The following EXOC3L2 variants were observed in gnomAD, a reference collection of about 807,000 sequenced individuals.
The protein encoded by EXOC3L2 is exocyst complex component 3-like protein 2.
Under a neutral mutation model 44.4 loss-of-function variants are expected in EXOC3L2, and 17 were observed. That is an observed-to-expected ratio of 0.38 (90% CI 0.26 to 0.57). The LOEUF (loss-of-function observed/expected upper bound fraction) is 0.57, where lower values mean the gene tolerates loss of function less well. Among genes scored for constraint, EXOC3L2 ranks in the 20% least tolerant of loss-of-function variants. EXOC3L2 has a pLI of 0.65. For missense variants in EXOC3L2, 541 were observed against 588.4 expected (o/e 0.92, Z 0.83); for synonymous variants, 256 against 253.7 (o/e 1.01, Z -0.09).
chr19:45,215,721 C>T (rs573149282), intron 11 of EXOC3L2, among the ~76,000 whole-genome samples: 18 of 152,274 alleles, frequency 1.2e-4, no homozygotes, highest in African/African-American at 3.4e-4. Context: ...CTGCGCCTGC[C>T]GCTGTCCCAG....
chr19:45,225,427 C>A (rs907788833), intron 7 of EXOC3L2, among the ~76,000 whole-genome samples: 4 of 151,960 alleles, frequency 2.6e-5, no homozygotes, highest in Non-Finnish European at 5.9e-5. Context: ...CACCACCACA[C>A]CCAGCTAATT....
At chr19:45,227,538 G>A (rs763106262) in intron 7 of EXOC3L2, 124 bp downstream of exon 7, 13 of 726,202 alleles carry the variant, frequency 1.8e-5, no homozygotes, top group African/African-American at 1.6e-4. Flanking sequence ...GATTTTATGC[G>A]TCTAAGGTCC....
At chr19:45,218,158 T>TTCG in intron 9 of EXOC3L2, 39 bp downstream of exon 9, 4 of 1,034,904 alleles carry the variant, frequency 3.9e-6, no homozygotes, top group Non-Finnish European at 5.4e-6. Context: ...TCCCCTCTTT[T>TTCG]CCCCCACCCC....
chr19:45,216,946 T>A (rs1969841673), intron 10 of EXOC3L2: 1 of 152,182 alleles, frequency 6.6e-6, no homozygotes, highest in Non-Finnish European at 1.5e-5. Flanking sequence ...TCTGGCGGTT[T>A]TTAATTCCAG....
chr19:45,233,935 G>C (rs1970055623), intron 3 of EXOC3L2, among the ~76,000 whole-genome samples: 1 of 152,154 alleles, frequency 6.6e-6, no homozygotes, highest in South Asian at 2.1e-4. Context: ...TGAGGTTTTT[G>C]GACCACAGTG....
Position 45,218,425 on chromosome 19 carries a change from G to A in EXOC3L2, c.1720-106C>T, listed in dbSNP as rs755912725. 454 of 1,344,048 alleles carry A rather than the reference G, an allele frequency of 3.4e-4. 1 individual carries two copies. Among genetic ancestry groups the A allele is most frequent in the Non-Finnish European group, 2.6e-4 (272 of 1,029,818 alleles). The allele number at this position is 1,344,048 out of a possible 1,614,324, so 83.3% of individuals were successfully genotyped here. On this transcript the variant is annotated intron_variant, in intron 8 of 11. Coordinates refer to ENST00000413988, the MANE Select transcript of EXOC3L2 (RefSeq NM_001382422.1). The stretch of plus-strand genomic sequence containing the variant: ...GCTCCGTGTTGAACCAGGGCTGTGC[G>A]GTGCTGGGAACACAAGGGGAAGAGA...
At chr19:45,213,687 G>A (rs1357779794) in intron 11 of EXOC3L2, among the ~76,000 whole-genome samples, 2 of 151,998 alleles carry the variant, frequency 1.3e-5, no homozygotes, top group Non-Finnish European at 2.9e-5. Context: ...GCTCATGCCT[G>A]TAATCCCAGC....
Position 45,221,211 on chromosome 19 carries a change from G to GT in EXOC3L2, c.1720-2893dup, listed in dbSNP as rs572032786. ...CAGTTTTCTTTTTTGTTTTTTTGTGGTTTTTTTTTTTTGAAAGATAGGGTC... is the reference window on the plus strand; with the variant it reads ...CAGTTTTCTTTTTTGTTTTTTTGTGGTTTTTTTTTTTTTGAAAGATAGGGTC... On this transcript the variant is annotated intron_variant, in intron 8 of 11. Transcript: ENST00000413988. Among the ~76,000 whole-genome samples the GT allele has an allele frequency of 4.6e-3, 528 of 114,190 alleles. 1 individual carries two copies. The highest frequency in any genetic ancestry group is 0.013 in the Middle Eastern group (3 of 228). 74.9% of individuals were successfully genotyped at this position (114,190 alleles called of 152,430 possible). A position where few individuals can be genotyped will look rare whatever the true frequency, so the allele number is the denominator to read the frequency against.
intron 9 of EXOC3L2, 95 bp downstream of exon 9, chr19:45,218,102 C>T (rs1218041148): frequency 1.4e-6 from 2 of 1,416,358 alleles, no homozygotes; most frequent in Non-Finnish European, 1.9e-6. Flanking sequence ...CTTGGCTCTC[C>T]CAACCTCCCA....
chr19:45,220,313 T>G (rs541158774), intron 8 of EXOC3L2, among the ~76,000 whole-genome samples: 39 of 146,464 alleles, frequency 2.7e-4, no homozygotes, highest in Non-Finnish European at 4.1e-4. Context: ...TTTTTTTTTG[T>G]TTGTTTAATT....
At chr19:45,224,016 GC>G (rs1969927370) in intron 8 of EXOC3L2, among the ~76,000 whole-genome samples, 1 of 151,976 alleles carries the variant, frequency 6.6e-6, no homozygotes, top group East Asian at 1.9e-4. Flanking sequence ...CTTGAAACAG[GC>G]ATGAGAGGCA....
chr19:45,214,029 G>A (rs1969807616), intron 11 of EXOC3L2, among the ~76,000 whole-genome samples: 1 of 151,864 alleles, frequency 6.6e-6, no homozygotes, highest in Non-Finnish European at 1.5e-5. Context: ...CTAATCTCAA[G>A]CTCAACCCCC....
rs922354385 is a variant in EXOC3L2, at chr19:45,212,389, C to T, written c.*680G>A. Among the ~76,000 whole-genome samples the T allele has an allele frequency of 6.6e-5, 10 of 152,148 alleles. No homozygotes were observed. Among genetic ancestry groups the T allele is most frequent in the Admixed American group, 5.2e-4 (8 of 15,246 alleles). On this transcript the variant is annotated 3_prime_UTR_variant, in exon 12 of 12. Transcript: ENST00000413988. ...CCTTCCTTGTGTTAAATAGAAACCT[C>T]TTTATTCTAAGTATCGAACGTTCCT...
chr19:45,231,715 C>G, intron 4 of EXOC3L2, 48 bp downstream of exon 4: 2 of 1,518,730 alleles, frequency 1.3e-6, no homozygotes, highest in Middle Eastern at 1.7e-4. Context: ...ACTGTGACCC[C>G]CTCCCTCCAC....
In EXOC3L2 at chr19:45,227,996, C is replaced by T. The variant is rs1055512340; in HGVS notation, c.1450G>A (p.Gly484Arg). Residue 484 changes from glycine to arginine, a missense_variant, in exon 6 of 12, where the codon GGG becomes AGG. By Grantham distance (125) the Gly-to-Arg change is moderately radical. Coordinates refer to ENST00000413988, the MANE Select transcript of EXOC3L2 (RefSeq NM_001382422.1). ...GERMAHCCLG[G>R]LAEFLQSFQQ... Reference sequence around the variant, plus strand: ...TACCTCTGCAGGAACTCTGCCAGCCCGCCTAGGCAGCAGTGGGCCATCCGC... The same window carrying T: ...TACCTCTGCAGGAACTCTGCCAGCCTGCCTAGGCAGCAGTGGGCCATCCGC... The T allele has an allele frequency of 6.2e-6, 10 of 1,613,864 alleles. No individual in the cohort carries two copies. The highest frequency in any genetic ancestry group is 3.3e-5 in the Admixed American group (2 of 60,018).
chr19:45,215,242 A>G (rs1969820663), intron 11 of EXOC3L2, among the ~76,000 whole-genome samples: 3 of 152,188 alleles, frequency 2.0e-5, no homozygotes, highest in Admixed American at 1.3e-4. Context: ...AAGCCGAGGC[A>G]GGCAGATCAC....
intron 1 of EXOC3L2, among the ~76,000 whole-genome samples, chr19:45,242,830 C>T (rs976436849): frequency 6.8e-6 from 1 of 147,264 alleles, no homozygotes; most frequent in African/African-American, 2.5e-5. Context: ...CCACTGCACT[C>T]CAGCCTAGGC....
Position 45,234,599 on chromosome 19 carries a change from G to C in EXOC3L2, c.751C>G (p.Pro251Ala). The C allele has an allele frequency of 6.8e-6, 2 of 293,276 alleles. No individual in the cohort carries two copies. The highest frequency in any genetic ancestry group is 5.4e-5 in the East Asian group (1 of 18,568). The allele number at this position is 293,276 out of a possible 1,614,324, so 18.2% of individuals were successfully genotyped here. The part of the protein sequence containing the change: ...LVRETLAGPG[P>A]GACAGAGAVA... The stretch of plus-strand genomic sequence containing the variant: ...GCGCCAGCCCCGGCGCACGCTCCCG[G>C]CCCGGGGCCCGCCAGCGTCTCGCGC... The change falls in exon 3 of 12, where the codon CCG becomes GCG. Residue 251 changes from proline to alanine, a missense_variant. Coordinates refer to ENST00000413988, the MANE Select transcript of EXOC3L2 (RefSeq NM_001382422.1). This position sits in a 1 kb window ranked among gnomAD's most constrained non-coding sequence, Gnocchi z 5.0.
intron 9 of EXOC3L2, 39 bp downstream of exon 9, chr19:45,218,158 T>TACG: frequency 9.7e-7 from 1 of 1,034,906 alleles, no homozygotes; most frequent in Non-Finnish European, 1.3e-6. Flanking sequence ...TCCCCTCTTT[T>TACG]CCCCCACCCC....
Sources: gnomAD v4.1 joint callset for allele counts (sites outside exome capture counted in the v4.1 genomes callset) on GRCh38, gnomAD v4.1.1 for gene constraint, Gnocchi (gnomAD v3.1) non-coding constraint, MANE v1.5 for transcripts, NCBI Gene and HGNC (gene_info 2026-07-23, HGNC 2026-07-21) for gene names.